The following INSYN2B variants were observed in gnomAD, a reference collection of about 807,000 sequenced individuals.
The protein encoded by INSYN2B is protein INSYN2B.
A neutral mutation model predicts 41.2 loss-of-function variants in INSYN2B; 16 were observed. That is an observed-to-expected ratio of 0.39 (90% CI 0.26 to 0.59). The LOEUF is 0.59. Ranked by LOEUF, INSYN2B falls within the 20% of genes least tolerant of loss-of-function variation. The pLI, the probability that INSYN2B is intolerant of heterozygous loss-of-function variation, is 0.57. For synonymous variants in INSYN2B, 245 were observed against 244.4 expected (o/e 1.00, Z -0.02); for missense variants, 608 against 646.4 (o/e 0.94, Z 0.64).
intron 1 of INSYN2B, among the ~76,000 whole-genome samples, chr5:169,964,366 G>A (rs1777213871): frequency 6.6e-6 from 1 of 152,112 alleles, no homozygotes; most frequent in Admixed American, 6.5e-5. Context: ...TGTTGCCTTG[G>A]CCTGTCATTG....
Position 169,966,915 on chromosome 5 carries a change from C to T in INSYN2B, c.-919+13362G>A, listed in dbSNP as rs769486155. ...AAAGAGAGCCCTTCACCAATCCATG[C>T]GCCATCAAATTAGACTTAAATTAAC... On this transcript the variant is annotated intron_variant, in intron 1 of 3. Coordinates refer to ENST00000377365, the MANE Select transcript of INSYN2B (RefSeq NM_001129891.3). Among the ~76,000 whole-genome samples, 38 of 152,182 alleles carry T rather than the reference C, an allele frequency of 2.5e-4. 1 individual carries two copies. Among genetic ancestry groups the T allele is most frequent in the Admixed American group, 1.5e-3 (23 of 15,280 alleles).
chr5:169,926,746 G>A lies in INSYN2B; in HGVS notation c.-918-41930C>T, dbSNP rs141622911. On this transcript the variant is annotated intron_variant, in intron 1 of 3. Coordinates refer to ENST00000377365, the MANE Select transcript of INSYN2B (RefSeq NM_001129891.3). Reference sequence around the variant, plus strand: ...AAGGCTTGTGACTCTGTAACTAGAGGTGAAGTTTGGCTGGATGCATTCATT... The same window carrying A: ...AAGGCTTGTGACTCTGTAACTAGAGATGAAGTTTGGCTGGATGCATTCATT... 1.9e-3 allele frequency among the ~76,000 whole-genome samples: 294 copies of A among 152,324 alleles called. 2 individuals are homozygous for A. The highest frequency in any genetic ancestry group is 6.9e-3 in the African/African-American group (287 of 41,562).
chr5:169,892,411 G>C (rs1156629073), intron 1 of INSYN2B, among the ~76,000 whole-genome samples: 1 of 152,252 alleles, frequency 6.6e-6, no homozygotes, highest in Non-Finnish European at 1.5e-5. Flanking sequence ...GTGACACATT[G>C]AGTTGAAGGC....
At chr5:169,912,030 T>G (rs898703767) in intron 1 of INSYN2B, among the ~76,000 whole-genome samples, 1 of 152,210 alleles carries the variant, frequency 6.6e-6, no homozygotes, top group Non-Finnish European at 1.5e-5. Context: ...ATGGGCTAAC[T>G]GCGTACCTAT....
In INSYN2B at chr5:169,976,732, G is replaced by A. The variant is rs565526582; in HGVS notation, c.-919+3545C>T. 1.2e-4 allele frequency among the ~76,000 whole-genome samples: 19 copies of A among 152,328 alleles called. No homozygotes were observed. The South Asian group carries it at 1.5e-3, about 12-fold the overall frequency. On this transcript the variant is annotated intron_variant, in intron 1 of 3. Transcript: ENST00000377365. The stretch of plus-strand genomic sequence containing the variant: ...CGAGCCTTGATTCAAAGCAGCCTGC[G>A]CTTCTGGCCCCTTGTCTGTGCTTAA...
chr5:169,924,263 G>A (rs1775324413), intron 1 of INSYN2B, among the ~76,000 whole-genome samples: 1 of 152,298 alleles, frequency 6.6e-6, no homozygotes, highest in South Asian at 2.1e-4. Context: ...AGTAAATGAG[G>A]TCAGGCCAAG....
At chr5:169,958,798 C>T (rs781643154) in intron 1 of INSYN2B, among the ~76,000 whole-genome samples, 1 of 152,108 alleles carries the variant, frequency 6.6e-6, no homozygotes, top group Non-Finnish European at 1.5e-5. Flanking sequence ...CAGTCACCCT[C>T]ATAATTGGTT....
intron 1 of INSYN2B, among the ~76,000 whole-genome samples, chr5:169,895,423 C>T (rs1407785022): frequency 3.9e-5 from 6 of 152,134 alleles, no homozygotes; most frequent in African/African-American, 1.2e-4. Context: ...GGAGAACTTT[C>T]CTGGAGATCC....
intron 1 of INSYN2B, among the ~76,000 whole-genome samples, chr5:169,907,859 G>A (rs1483971062): frequency 1.3e-5 from 2 of 152,210 alleles, no homozygotes; most frequent in African/African-American, 4.8e-5. Context: ...AGTGGGTAGA[G>A]GGCAGGGATG....
intron 1 of INSYN2B, among the ~76,000 whole-genome samples, chr5:169,947,819 T>C (rs1776506148): frequency 6.6e-6 from 1 of 152,128 alleles, no homozygotes; most frequent in Admixed American, 6.5e-5. Context: ...AGCATGAGCA[T>C]ACATAAATAC....
At position 169,903,826 on chromosome 5, in the gene INSYN2B, G is replaced by T. The variant is rs112685267; in HGVS notation, c.-918-19010C>A. On this transcript the variant is annotated intron_variant, in intron 1 of 3. Transcript: ENST00000377365. ...GGTTTTAGGGGAGGAGAAACTGGGC[G>T]GAGTGGCTCATGCCTGTAATCCCAG... Among the ~76,000 whole-genome samples, 46 of 152,106 alleles carry T rather than the reference G, an allele frequency of 3.0e-4. 1 individual carries two copies. The highest frequency in any genetic ancestry group is 3.4e-3 in the Middle Eastern group (1 of 290).
chr5:169,882,856 G>C lies in INSYN2B; in HGVS notation c.1043C>G (p.Ser348Trp), dbSNP rs956538677. 1 of 1,551,150 alleles carries C rather than the reference G, an allele frequency of 6.4e-7. No homozygotes were observed. The highest frequency in any genetic ancestry group is 1.4e-5 in the African/African-American group (1 of 73,022). ...NLVSLKTNSASKSAPGCQEQT... is the reference protein window; with the variant it reads ...NLVSLKTNSAWKSAPGCQEQT... Reference sequence around the variant, plus strand: ...CTCCTGACACCCAGGGGCAGATTTCGATGCACTGTTAGTTTTGAGTGACAC... The same window carrying C: ...CTCCTGACACCCAGGGGCAGATTTCCATGCACTGTTAGTTTTGAGTGACAC... Residue 348 changes from serine to tryptophan, a missense_variant, in exon 2 of 4, where the codon TCG becomes TGG. Transcript: ENST00000377365.
intron 1 of INSYN2B, among the ~76,000 whole-genome samples, chr5:169,939,664 G>A (rs943104496): frequency 2.6e-5 from 4 of 152,096 alleles, no homozygotes; most frequent in Admixed American, 2.6e-4. Flanking sequence ...TAGGAGGTAG[G>A]AATTTTTCAG....
At chr5:169,936,445 T>A (rs1286953518) in intron 1 of INSYN2B, among the ~76,000 whole-genome samples, 4 of 152,094 alleles carry the variant, frequency 2.6e-5, no homozygotes, top group Non-Finnish European at 4.4e-5. Context: ...TCACAGCTAG[T>A]CAATAGCAGA....
At chr5:169,973,817 A>G (rs17670746) in intron 1 of INSYN2B, among the ~76,000 whole-genome samples, 18,931 of 152,162 alleles carry the variant, frequency 0.12, 1,574 homozygotes, top group East Asian at 0.22. Flanking sequence ...CAATTGGTCT[A>G]TCTGTGTATA....
intron 1 of INSYN2B, among the ~76,000 whole-genome samples, chr5:169,946,762 A>C (rs368258960): frequency 6.6e-6 from 1 of 152,224 alleles, no homozygotes; most frequent in Admixed American, 6.5e-5. Flanking sequence ...TGAAAGTCAC[A>C]CAGTAGGATC....
intron 1 of INSYN2B, among the ~76,000 whole-genome samples, chr5:169,960,734 G>A (rs919903714): frequency 3.9e-5 from 6 of 152,256 alleles, no homozygotes; most frequent in African/African-American, 1.2e-4. Context: ...GTTACTTGCA[G>A]TTAATTGTGG....
intron 3 of INSYN2B, among the ~76,000 whole-genome samples, chr5:169,870,571 T>C (rs1398172830): frequency 6.6e-6 from 1 of 152,088 alleles, no homozygotes; most frequent in Non-Finnish European, 1.5e-5. Context: ...CTGTGGGTTT[T>C]TTTCTTCTTT....
At chr5:169,961,046 T>C (rs1488556718) in intron 1 of INSYN2B, among the ~76,000 whole-genome samples, 3 of 152,210 alleles carry the variant, frequency 2.0e-5, no homozygotes, top group Non-Finnish European at 4.4e-5. Flanking sequence ...ACTATCATGG[T>C]AAACACCCCA....
Sources: gnomAD v4.1 joint callset for allele counts (sites outside exome capture counted in the v4.1 genomes callset) on GRCh38, gnomAD v4.1.1 for gene constraint, MANE v1.5 for transcripts, NCBI Gene and HGNC (gene_info 2026-07-23, HGNC 2026-07-21) for gene names.